Variants in CHD6 observed in about 807,000 individuals in gnomAD.
The protein encoded by CHD6 is ATP-dependent chromatin remodeler CHD6.
In CHD6, 50 loss-of-function variants were observed where a neutral mutation model predicts 276.9. The observed-to-expected ratio is 0.18, with a 90% CI of 0.14 to 0.23. The LOEUF (loss-of-function observed/expected upper bound fraction) is 0.23. Ranked by LOEUF, CHD6 falls within the 10% of genes least tolerant of loss-of-function variation. The pLI, the probability that CHD6 is intolerant of heterozygous loss-of-function variation, is 1.00. For synonymous variants in CHD6, 1,173 were observed against 1,229.3 expected, an observed-to-expected ratio of 0.95 and a Z score of 0.96; for missense variants, 2,564 against 3,365.8, an observed-to-expected ratio of 0.76 and a Z score of 5.89.
At chr20:41,599,815 T>A (rs1189625672) in intron 1 of CHD6, among the ~76,000 whole-genome samples, 1 of 152,156 alleles carries the variant, frequency 6.6e-6, no homozygotes, top group East Asian at 1.9e-4. Flanking sequence ...AAACAACCCC[T>A]CCCAACTAGT....
chr20:41,424,441 G>C (rs2047297519), intron 29 of CHD6, among the ~76,000 whole-genome samples: 1 of 152,236 alleles, frequency 6.6e-6, no homozygotes, highest in South Asian at 2.1e-4. Flanking sequence ...TGAGGGGTTA[G>C]AGAAAGAGTG....
At chr20:41,526,850 T>G (rs933367477) in intron 3 of CHD6, among the ~76,000 whole-genome samples, 3 of 152,194 alleles carry the variant, frequency 2.0e-5, no homozygotes, top group Admixed American at 6.5e-5. Flanking sequence ...TCAGCCACAC[T>G]CTAATTACCT....
chr20:41,533,973 C>T (rs1463054138), intron 2 of CHD6, among the ~76,000 whole-genome samples: 2 of 152,200 alleles, frequency 1.3e-5, no homozygotes, highest in Non-Finnish European at 2.9e-5. Context: ...GTCACAGGTG[C>T]TCAAGGCATC....
chr20:41,556,016 G>A (rs2045229608), intron 1 of CHD6, among the ~76,000 whole-genome samples: 2 of 152,246 alleles, frequency 1.3e-5, no homozygotes, highest in African/African-American at 2.4e-5. Flanking sequence ...TCGGGAGGCC[G>A]AGGCTGGCGG....
chr20:41,488,715 G>A, intron 12 of CHD6, 111 bp from the exon 13 acceptor site: 1 of 853,058 alleles, frequency 1.2e-6, no homozygotes, highest in Non-Finnish European at 1.8e-6. Context: ...TAGGTGAGAA[G>A]ACAAGCACTG....
intron 18 of CHD6, 77 bp downstream of exon 18, chr20:41,457,187 A>G: frequency 6.6e-7 from 1 of 1,518,782 alleles, no homozygotes; most frequent in Non-Finnish European, 9.0e-7. Context: ...ACCCTTAAAC[A>G]GCTGTAAGAA....
chr20:41,492,167 C>T (rs144889144), intron 10 of CHD6, among the ~76,000 whole-genome samples: 15 of 152,294 alleles, frequency 9.8e-5, no homozygotes, highest in Middle Eastern at 3.4e-3. Context: ...ACTGTGAGCT[C>T]CTGAGGGCAG....
Position 41,402,914 on chromosome 20 carries a change from A to G in CHD6, c.*1679T>C, listed in dbSNP as rs1247248515. 1 of 206,128 alleles carries G rather than the reference A, an allele frequency of 4.9e-6. No individual in the cohort carries two copies. The highest frequency in any genetic ancestry group is 9.9e-6 in the Non-Finnish European group (1 of 100,742). 12.8% of individuals were successfully genotyped at this position (206,128 alleles called of 1,614,324 possible). ...TGTTCAATTACTGGATTCTTCTTCT[A>G]TGATCAGTTATAGAATTTCTGGTTT... On this transcript the variant is annotated 3_prime_UTR_variant, in exon 37 of 37. Transcript: ENST00000373233.
chr20:41,426,523 T>C (rs891194959), intron 27 of CHD6, among the ~76,000 whole-genome samples: 1 of 152,214 alleles, frequency 6.6e-6, no homozygotes, highest in Non-Finnish European at 1.5e-5. Flanking sequence ...AATACTGTCA[T>C]TTCATTTCAC....
intron 14 of CHD6, 128 bp from the exon 15 acceptor site, chr20:41,484,735 AT>A: frequency 1.1e-6 from 1 of 941,798 alleles, no homozygotes; most frequent in Non-Finnish European, 1.6e-6. Flanking sequence ...TAAAAGAAAG[AT>A]TATGATCGAC....
intron 5 of CHD6, among the ~76,000 whole-genome samples, chr20:41,511,200 T>C (rs1403928678): frequency 6.6e-6 from 1 of 152,194 alleles, no homozygotes; most frequent in African/African-American, 2.4e-5. Flanking sequence ...GTACTATCAG[T>C]TTCCATAAGA....
intron 3 of CHD6, among the ~76,000 whole-genome samples, chr20:41,530,522 A>G (rs1485907023): frequency 6.6e-6 from 1 of 152,206 alleles, no homozygotes; most frequent in African/African-American, 2.4e-5. Context: ...AGAACAAAAA[A>G]CTAAGGCTTA....
chr20:41,569,026 G>A (rs796198520), intron 1 of CHD6, among the ~76,000 whole-genome samples: 7 of 152,238 alleles, frequency 4.6e-5, no homozygotes, highest in African/African-American at 9.6e-5. Context: ...TAAGAGGGAG[G>A]GAGTACTGAG....
At chr20:41,568,476 C>A (rs1020660127) in intron 1 of CHD6, among the ~76,000 whole-genome samples, 1 of 152,156 alleles carries the variant, frequency 6.6e-6, no homozygotes, top group African/African-American at 2.4e-5. Flanking sequence ...AAAAGAAAAA[C>A]CACATATTTA....
At chr20:41,582,130 TC>T in intron 1 of CHD6, among the ~76,000 whole-genome samples, 1 of 152,142 alleles carries the variant, frequency 6.6e-6, no homozygotes, top group African/African-American at 2.4e-5. Context: ...TCAACTCAAT[TC>T]AATTACTTAA....
At chr20:41,420,079 C>A (rs2047135893) in intron 31 of CHD6, among the ~76,000 whole-genome samples, 1 of 152,158 alleles carries the variant, frequency 6.6e-6, no homozygotes, top group Non-Finnish European at 1.5e-5. Context: ...TAACAAAGAT[C>A]AAATTTATTT....
chr20:41,421,416 C>T lies in CHD6; in HGVS notation c.5219G>A (p.Ser1740Asn), dbSNP rs2047187629. The T allele has an allele frequency of 1.2e-6, 2 of 1,614,042 alleles. No homozygotes were observed. Among genetic ancestry groups the T allele is most frequent in the African/African-American group, 1.3e-5 (1 of 74,926 alleles). Residue 1740 changes from serine (S) to asparagine (N), a missense_variant, in exon 31 of 37, where the codon AGC (serine) becomes AAC (asparagine). By Grantham distance (46) the Ser-to-Asn change is conservative (BLOSUM62 1). This residue lies in a region of CHD6 where 1,024 missense variants were observed against 1,047.9 expected (regional missense o/e 0.98). Transcript: ENST00000373233. ...ACCAGACTGGCAGTTCCCATCTTTGCTTATTGAGATGGTAATAACATCTTT... is the reference window on the plus strand; with the variant it reads ...ACCAGACTGGCAGTTCCCATCTTTGTTTATTGAGATGGTAATAACATCTTT... ...SRKDVITISISKDGNCQSGGP... is the reference protein window; with the variant it reads ...SRKDVITISINKDGNCQSGGP...
At chr20:41,410,785 G>A (rs1030913469) in intron 36 of CHD6, among the ~76,000 whole-genome samples, 3 of 152,152 alleles carry the variant, frequency 2.0e-5, no homozygotes, top group African/African-American at 7.2e-5. Flanking sequence ...TGTTAGACAC[G>A]GGGAAAGAAA....
Position 41,513,103 on chromosome 20 carries a change from C to T in CHD6, c.703-108G>A, listed in dbSNP as rs1023124981. 5.8e-6 allele frequency: 7 copies of T among 1,206,738 alleles called. No homozygotes were observed. The Admixed American group carries it at 1.1e-4, about 18-fold the overall frequency. The allele number at this position is 1,206,738 out of a possible 1,614,324, so 74.8% of individuals were successfully genotyped here. A position where few individuals can be genotyped will look rare whatever the true frequency, so the allele number is the denominator to read the frequency against. On this transcript the variant is annotated intron_variant, in intron 4 of 36. Coordinates refer to ENST00000373233, the MANE Select transcript of CHD6 (RefSeq NM_032221.5). ...TAACATGCCAAGGAGTGCTTTCTTG[C>T]CTTACAAAAGAAATCTTTCTTAAAT...
Sources: allele counts gnomAD v4.1 joint callset (sites outside exome capture counted in the v4.1 genomes callset), GRCh38; gene constraint gnomAD v4.1.1; regional missense constraint gnomAD v4.1.1; transcripts MANE v1.5; gene names NCBI Gene and HGNC (gene_info 2026-07-23, HGNC 2026-07-21).